Variants in ADAMTS16 observed in about 807,000 individuals in gnomAD.
The protein encoded by ADAMTS16 is A disintegrin and metalloproteinase with thrombospondin motifs 16.
Under a neutral mutation model 145.8 loss-of-function variants are expected in ADAMTS16, and 94 were observed. The ratio of observed to expected loss-of-function variants is 0.64; its 90% CI spans 0.55 to 0.77. The LOEUF is 0.77. Ranked by LOEUF, ADAMTS16 falls within the 30% of genes least tolerant of loss-of-function variation. The pLI is 0.00. For synonymous variants in ADAMTS16, 659 were observed against 604.3 expected (o/e 1.09, Z -1.33); for missense variants, 1,585 against 1,591.5 (o/e 1.00, Z 0.07).
chr5:5,210,986 T>C (rs958955177), intron 10 of ADAMTS16, among the ~76,000 whole-genome samples: 11 of 152,240 alleles, frequency 7.2e-5, no homozygotes, highest in Non-Finnish European at 1.5e-4. Flanking sequence ...CTGAGTTGAT[T>C]TGCTGATATT....
chr5:5,299,998 G>T (rs549207176), intron 18 of ADAMTS16, among the ~76,000 whole-genome samples: 5 of 152,160 alleles, frequency 3.3e-5, no homozygotes, highest in African/African-American at 4.8e-5. Flanking sequence ...CAGACACTTG[G>T]TGTTTCCAGA....
intron 18 of ADAMTS16, among the ~76,000 whole-genome samples, chr5:5,264,194 A>G (rs1242171418): frequency 6.6e-6 from 1 of 152,072 alleles, no homozygotes; most frequent in Non-Finnish European, 1.5e-5. Context: ...GAGCAGGCAA[A>G]CAGGAATGGA....
intron 17 of ADAMTS16, among the ~76,000 whole-genome samples, chr5:5,249,276 G>T (rs144113375): frequency 6.6e-6 from 1 of 152,318 alleles, no homozygotes; most frequent in Non-Finnish European, 1.5e-5. Flanking sequence ...GAGTATGCAA[G>T]AACTGGAGTG....
Position 5,140,493 on chromosome 5 carries a change from G to T in ADAMTS16, c.26G>T (p.Arg9Leu), listed in dbSNP as rs746385787. Residue 9 changes from arginine to leucine, a missense_variant, in exon 1 of 23, where the codon CGG becomes CTG. Around this residue, in one of 3 missense-constraint regions of ADAMTS16, gnomAD observed 453 missense variants for 412.1 expected, o/e 1.10. Coordinates refer to ENST00000274181, the MANE Select transcript of ADAMTS16 (RefSeq NM_139056.4). MKPRARGWRGLAALWMLLA... is the reference protein window; with the variant it reads MKPRARGWLGLAALWMLLA... The stretch of plus-strand genomic sequence containing the variant: ...ATGAAGCCCCGCGCGCGCGGATGGC[G>T]GGGCTTGGCGGCGCTGTGGATGCTG... The T allele has an allele frequency of 1.3e-6, 2 of 1,517,470 alleles. No homozygotes were observed. The highest frequency in any genetic ancestry group is 1.2e-5 in the South Asian group (1 of 82,180). The allele number at this position is 1,517,470 out of a possible 1,614,324, so 94.0% of individuals were successfully genotyped here. A position where few individuals can be genotyped will look rare whatever the true frequency, so the allele number is the denominator to read the frequency against.
intron 17 of ADAMTS16, among the ~76,000 whole-genome samples, chr5:5,250,140 C>A (rs1352164593): frequency 6.6e-6 from 1 of 152,156 alleles, no homozygotes; most frequent in Non-Finnish European, 1.5e-5. Flanking sequence ...AACATTCTTG[C>A]AAGAAAACAG....
intron 3 of ADAMTS16, among the ~76,000 whole-genome samples, chr5:5,177,972 C>G (rs1356567778): frequency 6.6e-6 from 1 of 152,102 alleles, no homozygotes; most frequent in African/African-American, 2.4e-5. Flanking sequence ...TTCATTTCTT[C>G]TTAATTTCTA....
intron 17 of ADAMTS16, among the ~76,000 whole-genome samples, chr5:5,261,361 C>T (rs190128274): frequency 8.5e-5 from 13 of 152,276 alleles, no homozygotes; most frequent in African/African-American, 2.9e-4. Flanking sequence ...TGGTCTCAAA[C>T]TCCTGGACTC....
intron 20 of ADAMTS16, among the ~76,000 whole-genome samples, chr5:5,304,261 G>C (rs1411005181): frequency 2.0e-5 from 3 of 152,152 alleles, no homozygotes; most frequent in African/African-American, 2.4e-5. Flanking sequence ...TGTTGAAATC[G>C]ATCACCTGTT....
intron 3 of ADAMTS16, among the ~76,000 whole-genome samples, chr5:5,178,268 C>T (rs950792917): frequency 3.9e-5 from 6 of 152,184 alleles, no homozygotes; most frequent in African/African-American, 1.4e-4. Flanking sequence ...GAAAGGCAGA[C>T]CCTGTGAGAG....
Position 5,191,905 on chromosome 5 carries a change from C to T in ADAMTS16, c.1313+115C>T, listed in dbSNP as rs920980158. 53 of 716,698 alleles carry T rather than the reference C, an allele frequency of 7.4e-5. 1 individual carries two copies. The highest frequency in any genetic ancestry group is 4.4e-4 in the South Asian group (25 of 56,466). The allele number at this position is 716,698 out of a possible 1,614,324, so 44.4% of individuals were successfully genotyped here. A position where few individuals can be genotyped will look rare whatever the true frequency, so the allele number is the denominator to read the frequency against. ...ATGAAGGGAATTCACATATATCCAA[C>T]GAGAATGCCATTGACAGTTATAAAA... On this transcript the variant is annotated intron_variant, in intron 8 of 22. Transcript: ENST00000274181.
intron 2 of ADAMTS16, among the ~76,000 whole-genome samples, chr5:5,145,297 C>T (rs1271594586): frequency 1.3e-5 from 2 of 152,190 alleles, no homozygotes; most frequent in Admixed American, 6.5e-5. Context: ...ATACTCAAAG[C>T]TCATCATTTC....
chr5:5,200,357 G>A (rs1735923142), intron 9 of ADAMTS16, 88 bp downstream of exon 9: 1 of 1,533,486 alleles, frequency 6.5e-7, no homozygotes, highest in South Asian at 1.2e-5. Context: ...AGCAGCCCCA[G>A]GCTGTGCTTC....
In ADAMTS16 at chr5:5,303,479, G is replaced by A. The variant is rs148155201; in HGVS notation, c.2991+10G>A. On this transcript the variant is annotated intron_variant, in intron 19 of 22. Transcript: ENST00000274181. Reference sequence around the variant, plus strand: ...CGGGCCCTGGGCAGAGGTAACCAGGGTGGGGTTGGCATGGGTGGCAGCAGG... The same window carrying A: ...CGGGCCCTGGGCAGAGGTAACCAGGATGGGGTTGGCATGGGTGGCAGCAGG... 107 of 1,608,934 alleles carry A rather than the reference G, an allele frequency of 6.7e-5. No homozygotes were observed. The African/African-American group carries it at 1.3e-3, about 19-fold the overall frequency.
At chr5:5,199,817 G>A (rs995915375) in intron 8 of ADAMTS16, among the ~76,000 whole-genome samples, 1 of 152,092 alleles carries the variant, frequency 6.6e-6, no homozygotes, top group African/African-American at 2.4e-5. Flanking sequence ...AGAAAAAGAA[G>A]CTACATAGAG....
intron 3 of ADAMTS16, among the ~76,000 whole-genome samples, chr5:5,175,791 G>A (rs891755181): frequency 2.6e-5 from 4 of 152,142 alleles, no homozygotes; most frequent in Admixed American, 1.3e-4. Flanking sequence ...TGATAGGGCA[G>A]CACTGAATTC....
rs770575046 is a variant in ADAMTS16, at chr5:5,234,995, T to G, written c.1851-19T>G. 1.2e-5 allele frequency: 18 copies of G among 1,520,194 alleles called. No homozygotes were observed. The allele number at this position is 1,520,194 out of a possible 1,614,324, so 94.2% of individuals were successfully genotyped here. On this transcript the variant is annotated intron_variant, in intron 12 of 22. Coordinates refer to ENST00000274181, the MANE Select transcript of ADAMTS16 (RefSeq NM_139056.4). ...GCTACTAAAATATAAAAATTCTAACTTCAAAATACACATTCCAGGCCATCG... is the reference window on the plus strand; with the variant it reads ...GCTACTAAAATATAAAAATTCTAACGTCAAAATACACATTCCAGGCCATCG...
intron 18 of ADAMTS16, among the ~76,000 whole-genome samples, chr5:5,277,231 CAGA>C (rs1286681103): frequency 3.9e-5 from 6 of 152,312 alleles, no homozygotes. Context: ...AGCCGCATCA[CAGA>C]AGAAAACCAG....
chr5:5,286,715 A>T (rs10063080), intron 18 of ADAMTS16, among the ~76,000 whole-genome samples: 35,212 of 151,780 alleles, frequency 0.23, 4,491 homozygotes, highest in Admixed American at 0.38. Flanking sequence ...AAAATTACCC[A>T]GGTGCGGTGG....
At chr5:5,157,773 A>G (rs77064454) in intron 3 of ADAMTS16, among the ~76,000 whole-genome samples, 4 of 152,312 alleles carry the variant, frequency 2.6e-5, no homozygotes, top group Middle Eastern at 3.4e-3. Context: ...TTTTCCTTCA[A>G]TGTGTTAAAC....
Sources: allele counts gnomAD v4.1 joint callset (sites outside exome capture counted in the v4.1 genomes callset), GRCh38; gene constraint gnomAD v4.1.1; regional missense constraint gnomAD v4.1.1; transcripts MANE v1.5; gene names NCBI Gene and HGNC (gene_info 2026-07-23, HGNC 2026-07-21).